The following ZNF469 variants were observed in gnomAD, a reference collection of about 807,000 sequenced individuals.
ZNF469 encodes the protein zinc finger protein 469.
A neutral mutation model predicts 1.0 loss-of-function variants in ZNF469; 1 was observed. The observed-to-expected ratio is 1.00, with a 90% confidence interval of 0.35 to 4.73. The LOEUF is 4.73. ZNF469 is among the 30% of genes most tolerant of loss of function. The probability of loss-of-function intolerance (pLI) is 0.16; values close to 1 mark genes in which losing one functional copy is unlikely to be tolerated. For synonymous variants in ZNF469, 2,703 were observed against 2,363.4 expected (o/e 1.14, Z -4.17); for missense variants, 6,100 against 5,356.3 (o/e 1.14, Z -4.33).
At chr16:88,126,908 C>T in the ZNF469 span, among the ~76,000 whole-genome samples, 1,245 of 152,130 alleles carry the variant, frequency 8.2e-3, 17 homozygotes, top group African/African-American at 0.028. Flanking sequence ...CAACCTCTGT[C>T]CCCCGGGTTC....
At position 88,434,587 on chromosome 16, in the gene ZNF469, A is replaced by G. The variant is rs981256736; in HGVS notation, c.7117A>G (p.Ser2373Gly). The G allele has an allele frequency of 7.1e-6, 11 of 1,550,368 alleles. No individual in the cohort carries two copies. In the East Asian group the frequency reaches 2.4e-4, roughly 34 times the overall value. ...PACLEGEMGT[S>G]SKEPEDPGTP... ...CTGCCTGGAAGGTGAGATGGGGACC[A>G]GCAGCAAGGAGCCGGAGGACCCAGG... is the stretch of plus-strand genomic sequence containing the variant. The change falls in exon 3 of 3, where the codon AGC becomes GGC. Residue 2373 changes from serine (S) to glycine (G), a missense_variant. Ser to Gly is a moderately conservative substitution (Grantham distance 56). Transcript: ENST00000565624.
chr16:88,139,408 C>T, the ZNF469 span, among the ~76,000 whole-genome samples: 2 of 144,924 alleles, frequency 1.4e-5, no homozygotes, highest in Non-Finnish European at 3.0e-5. Context: ...GGCCTGGGGA[C>T]GTGATGAGGA....
At chr16:88,196,656 A>G in the ZNF469 span, among the ~76,000 whole-genome samples, 1,664 of 152,258 alleles carry the variant, frequency 0.011, 38 homozygotes, top group African/African-American at 0.037. Context: ...GCTGTGGGCC[A>G]CTCACTGACA....
the ZNF469 span, among the ~76,000 whole-genome samples, chr16:88,287,188 G>A: frequency 2.6e-5 from 4 of 152,166 alleles, no homozygotes; most frequent in South Asian, 2.1e-4. Flanking sequence ...GTCCGTAGCC[G>A]ATGGCCATTC....
the ZNF469 span, among the ~76,000 whole-genome samples, chr16:88,185,655 A>G: frequency 6.6e-6 from 1 of 151,752 alleles, no homozygotes; most frequent in South Asian, 2.1e-4. Flanking sequence ...TGAATATAGT[A>G]TATGCACACA....
At chr16:88,154,251 G>A in the ZNF469 span, among the ~76,000 whole-genome samples, 1 of 152,132 alleles carries the variant, frequency 6.6e-6, no homozygotes, top group Non-Finnish European at 1.5e-5. Context: ...TCTGCCTCCC[G>A]GGTTCAAGTG....
chr16:88,197,268 C>T, the ZNF469 span, among the ~76,000 whole-genome samples: 303 of 152,280 alleles, frequency 2.0e-3, no homozygotes, highest in African/African-American at 6.7e-3. Context: ...GCCAGTGGCA[C>T]GGACCATGGC....
chr16:88,366,714 C>T, the ZNF469 span, among the ~76,000 whole-genome samples: 1 of 151,546 alleles, frequency 6.6e-6, no homozygotes, highest in African/African-American at 2.4e-5. Context: ...TCACCATCAT[C>T]ATCACCATCA....
In ZNF469 at chr16:88,434,512, G is replaced by T. The variant is rs554390357; in HGVS notation, c.7042G>T (p.Val2348Leu). ...CAGGGAGGGCCAGGCTGTCACAGCT[G>T]TGCCCACTGAGCCTCCCACGCTACA... ...GHREGQAVTA[V>L]PTEPPTLQGA... The change falls in exon 3 of 3, where the codon GTG becomes TTG. Residue 2348 changes from valine (V) to leucine (L), a missense_variant. Coordinates refer to ENST00000565624, the MANE Select transcript of ZNF469 (RefSeq NM_001367624.2). 6.5e-7 allele frequency: 1 copy of T among 1,550,268 alleles called. No homozygotes were observed. The highest frequency in any genetic ancestry group is 1.2e-5 in the South Asian group (1 of 84,060).
At chr16:88,298,491 C>T in the ZNF469 span, among the ~76,000 whole-genome samples, 1 of 152,194 alleles carries the variant, frequency 6.6e-6, no homozygotes, top group Non-Finnish European at 1.5e-5. Context: ...CAGGCTGAGA[C>T]CCTGGAAGGC....
At chr16:88,276,305 A>G in the ZNF469 span, among the ~76,000 whole-genome samples, 1 of 152,152 alleles carries the variant, frequency 6.6e-6, no homozygotes, top group African/African-American at 2.4e-5. Flanking sequence ...GGGTGCAGCA[A>G]GCAGGGGGGA....
the ZNF469 span, among the ~76,000 whole-genome samples, chr16:88,360,610 G>A: frequency 5.8e-4 from 65 of 111,220 alleles, 1 homozygote; most frequent in Middle Eastern, 4.5e-3. Context: ...GACAGCGCCC[G>A]CATGCTCCCT....
Position 88,433,171 on chromosome 16 carries a change from C to G in ZNF469, c.5701C>G (p.Pro1901Ala). 1.3e-6 allele frequency: 2 copies of G among 1,550,324 alleles called. No homozygotes were observed. Among genetic ancestry groups the G allele is most frequent in the East Asian group, 2.4e-5 (1 of 40,912 alleles). ...GTCCCAGGACCCAGCTTTGAGCCCC[C>G]CCATACGTCAGCTCCAGCTCCCAGG... ...RRSQDPALSP[P>A]IRQLQLPGPG... Residue 1901 changes from proline to alanine, a missense_variant, in exon 3 of 3, where the codon CCC (proline) becomes GCC (alanine). Physicochemically the swap from Pro to Ala is conservative, Grantham distance 27. Transcript: ENST00000565624.
the ZNF469 span, among the ~76,000 whole-genome samples, chr16:88,122,148 C>A: frequency 6.8e-6 from 1 of 146,478 alleles, no homozygotes; most frequent in South Asian, 2.2e-4. Context: ...TCAGATCACA[C>A]CCCGTCACTC....
chr16:88,371,799 G>A, the ZNF469 span, among the ~76,000 whole-genome samples: 1 of 151,644 alleles, frequency 6.6e-6, no homozygotes, highest in Non-Finnish European at 1.5e-5. Context: ...TATTCTGTGA[G>A]ATCATCATCA....
chr16:88,128,010 C>T, the ZNF469 span, among the ~76,000 whole-genome samples: 1 of 152,224 alleles, frequency 6.6e-6, no homozygotes, highest in Non-Finnish European at 1.5e-5. Context: ...TGAGTGTAGG[C>T]CAAGGGTTCT....
In ZNF469 at chr16:88,434,279, C is replaced by A. The variant is rs273585624; in HGVS notation, c.6809C>A (p.Ser2270Tyr). Residue 2270 changes from serine (S) to tyrosine (Y), a missense_variant, in exon 3 of 3, where the codon TCT becomes TAT. Transcript: ENST00000565624. ...KLWESPGRAT[S>Y]PPLAGAVSPS... ...TGGGAGTCTCCTGGCCGAGCCACCT[C>A]TCCTCCTCTGGCAGGGGCCGTCTCC... 185 of 1,550,258 alleles carry A rather than the reference C, an allele frequency of 1.2e-4. No individual in the cohort carries two copies. Among genetic ancestry groups the A allele is most frequent in the Non-Finnish European group, 1.6e-4 (181 of 1,146,984 alleles).
At chr16:88,397,752 T>C (rs1213571313) in intron 1 of ZNF469, among the ~76,000 whole-genome samples, 1 of 152,088 alleles carries the variant, frequency 6.6e-6, no homozygotes, top group African/African-American at 2.4e-5. Flanking sequence ...TAAGATCTCT[T>C]CTTATGGTCA....
the ZNF469 span, among the ~76,000 whole-genome samples, chr16:88,350,874 C>T: frequency 2.6e-4 from 40 of 152,358 alleles, no homozygotes; most frequent in Middle Eastern, 6.8e-3. Context: ...AGATTCTCCC[C>T]TGGAGCTTCC....
Sources: allele counts gnomAD v4.1 joint callset (sites outside exome capture counted in the v4.1 genomes callset), GRCh38; gene constraint gnomAD v4.1.1; transcripts MANE v1.5; gene names NCBI Gene and HGNC (gene_info 2026-07-23, HGNC 2026-07-21).